CALN1: variants seen among roughly 807,000 people sequenced by gnomAD.
CALN1 encodes calcium-binding protein 8.
Under a neutral mutation model 30.6 loss-of-function variants are expected in CALN1, and 17 were observed. The ratio of observed to expected loss-of-function variants is 0.56; its 90% CI spans 0.38 to 0.83. The LOEUF (loss-of-function observed/expected upper bound fraction) is 0.83. Ranked by LOEUF, CALN1 falls within the 40% of genes least tolerant of loss-of-function variation. The probability of loss-of-function intolerance (pLI) is 0.00; values close to 1 mark genes in which losing one functional copy is unlikely to be tolerated. For synonymous variants in CALN1, 156 were observed against 131.4 expected, an observed-to-expected ratio of 1.19 and a Z score of -1.28; for missense variants, 291 against 354.9, an observed-to-expected ratio of 0.82 and a Z score of 1.45.
intron 1 of CALN1, among the ~76,000 whole-genome samples, chr7:72,433,090 T>G (rs888275197): frequency 1.3e-5 from 2 of 152,120 alleles, no homozygotes; most frequent in East Asian, 1.9e-4. Context: ...TCATTGGAGC[T>G]TGGGTGTCTT....
intron 3 of CALN1, among the ~76,000 whole-genome samples, chr7:72,164,669 T>C (rs977202700): frequency 4.6e-5 from 7 of 152,186 alleles, no homozygotes; most frequent in Non-Finnish European, 7.3e-5. Flanking sequence ...TACATGAGTA[T>C]ATACATTTTT....
chr7:72,229,480 C>T (rs1018337026), intron 3 of CALN1, among the ~76,000 whole-genome samples: 1 of 152,008 alleles, frequency 6.6e-6, no homozygotes, highest in African/African-American at 2.4e-5. Flanking sequence ...GACACATGCA[C>T]ACGTATGTTT....
chr7:72,460,734 C>T, the CALN1 span, among the ~76,000 whole-genome samples: 5 of 152,214 alleles, frequency 3.3e-5, no homozygotes, highest in East Asian at 7.7e-4. Context: ...TGAAGTCTCC[C>T]CTTGAGTACC....
chr7:71,812,716 C>T (rs978504963), intron 5 of CALN1, among the ~76,000 whole-genome samples: 4 of 151,956 alleles, frequency 2.6e-5, no homozygotes, highest in African/African-American at 9.7e-5. Flanking sequence ...TTCCTATCCA[C>T]ACATTTCTCA....
At chr7:72,316,317 A>G (rs1213845622) in intron 2 of CALN1, among the ~76,000 whole-genome samples, 6 of 149,660 alleles carry the variant, frequency 4.0e-5, no homozygotes, top group Non-Finnish European at 7.4e-5. Context: ...AGGGTGGTGC[A>G]AAAGTAATTA....
At chr7:72,128,378 C>G (rs1584999993) in intron 3 of CALN1, among the ~76,000 whole-genome samples, 1 of 151,908 alleles carries the variant, frequency 6.6e-6, no homozygotes, top group Non-Finnish European at 1.5e-5. Flanking sequence ...TAAGTAGATA[C>G]CTGGAAAAAA....
At chr7:72,004,083 T>G (rs995763686) in intron 5 of CALN1, among the ~76,000 whole-genome samples, 2 of 152,168 alleles carry the variant, frequency 1.3e-5, no homozygotes, top group African/African-American at 4.8e-5. Flanking sequence ...TAAAACAATC[T>G]TGACAGGAAA....
intron 3 of CALN1, among the ~76,000 whole-genome samples, chr7:72,201,731 T>A (rs1791437766): frequency 1.4e-5 from 2 of 138,436 alleles, no homozygotes; most frequent in African/African-American, 5.5e-5. Flanking sequence ...CAACCTTGAA[T>A]CTGATTAAAA....
intron 3 of CALN1, among the ~76,000 whole-genome samples, chr7:72,248,164 G>A (rs1205819125): frequency 1.3e-5 from 2 of 152,060 alleles, no homozygotes; most frequent in East Asian, 3.9e-4. Flanking sequence ...ACCCAGGCTG[G>A]AGTGCAATGG....
intron 6 of CALN1, among the ~76,000 whole-genome samples, chr7:71,790,105 G>GGAGAGA (rs565036407): frequency 1.4e-5 from 2 of 147,554 alleles, no homozygotes; most frequent in Non-Finnish European, 3.0e-5. Context: ...AGACCCTGCA[G>GGAGAGA]GAGAGAGAGA....
intron 6 of CALN1, among the ~76,000 whole-genome samples, chr7:71,807,902 C>T (rs1436232869): frequency 6.6e-6 from 1 of 152,074 alleles, no homozygotes; most frequent in Admixed American, 6.6e-5. Context: ...AGTGAAACCC[C>T]GTCTCTACTA....
intron 3 of CALN1, among the ~76,000 whole-genome samples, chr7:72,171,418 G>GT (rs1788952224): frequency 6.6e-6 from 1 of 152,096 alleles, no homozygotes; most frequent in Non-Finnish European, 1.5e-5. Context: ...TGAGGCAGGA[G>GT]TTTGAGACCA....
intron 2 of CALN1, among the ~76,000 whole-genome samples, chr7:72,370,469 ACG>A (rs1804166741): frequency 6.6e-6 from 1 of 151,940 alleles, no homozygotes; most frequent in Non-Finnish European, 1.5e-5. Flanking sequence ...CCTGGCTAAC[ACG>A]GTAAAACCCC....
intron 3 of CALN1, among the ~76,000 whole-genome samples, chr7:72,198,851 T>G (rs1261779134): frequency 6.6e-6 from 1 of 152,192 alleles, no homozygotes; most frequent in African/African-American, 2.4e-5. Context: ...GGGAAAGGGC[T>G]ACAGCCAGAG....
Position 71,878,401 on chromosome 7 carries a change from CA to C in CALN1, c.502-67910del, listed in dbSNP as rs113054224. On this transcript the variant is annotated intron_variant, in intron 5 of 6. Coordinates refer to ENST00000395275, the MANE Select transcript of CALN1 (RefSeq NM_031468.4). ...TGGGCAACAGAGTGAGACCCTGTCT[CA>C]AAAAAAAAAAAAAGTATAATGTGGT... Among the ~76,000 whole-genome samples the C allele has an allele frequency of 6.8e-3, 862 of 126,056 alleles. 1 individual carries two copies. The highest frequency in any genetic ancestry group is 0.018 in the South Asian group (67 of 3,820). The allele number at this position is 126,056 out of a possible 152,430, so 82.7% of individuals were successfully genotyped here. A position where few individuals can be genotyped will look rare whatever the true frequency, so the allele number is the denominator to read the frequency against.
At chr7:72,012,953 G>A (rs1800169098) in intron 5 of CALN1, among the ~76,000 whole-genome samples, 1 of 151,942 alleles carries the variant, frequency 6.6e-6, no homozygotes, top group Non-Finnish European at 1.5e-5. Context: ...ACGCCACCAC[G>A]CTTGGCTGAT....
Position 72,067,606 on chromosome 7 carries a change from T to A in CALN1, c.388+38545A>T, listed in dbSNP as rs544009747. ...CTCCAGAGCACTCTGGAAAGCAGTA[T>A]CTTATAAAGAAAAATTTAAAAAAAT... On this transcript the variant is annotated intron_variant, in intron 4 of 6. Transcript: ENST00000395275. 3.3e-5 allele frequency among the ~76,000 whole-genome samples: 5 copies of A among 152,272 alleles called. 1 individual carries two copies. The South Asian group carries it at 1.0e-3, about 32-fold the overall frequency.
chr7:71,828,693 T>C (rs1225942221), intron 5 of CALN1, among the ~76,000 whole-genome samples: 1 of 144,060 alleles, frequency 6.9e-6, no homozygotes, highest in Non-Finnish European at 1.5e-5. Flanking sequence ...ATAAGATATA[T>C]ACATATATAC....
chr7:71,923,109 C>T (rs1472666815), intron 5 of CALN1, among the ~76,000 whole-genome samples: 1 of 151,164 alleles, frequency 6.6e-6, no homozygotes, highest in Admixed American at 6.6e-5. Flanking sequence ...ATTTTGGGTA[C>T]TCAAAATTTA....
Sources: allele counts gnomAD v4.1 joint callset (sites outside exome capture counted in the v4.1 genomes callset), GRCh38; gene constraint gnomAD v4.1.1; transcripts MANE v1.5; gene names NCBI Gene and HGNC (gene_info 2026-07-23, HGNC 2026-07-21).